The following SLC18A1 variants were observed in gnomAD, a reference collection of about 807,000 sequenced individuals.
SLC18A1 encodes the protein chromaffin granule amine transporter.
SLC18A1 carries 69 observed loss-of-function variants against 53.7 expected under a neutral mutation model. That is an observed-to-expected ratio of 1.28 (90% CI 1.06 to 1.57). SLC18A1 has a LOEUF of 1.57. SLC18A1 is among the 40% of genes most tolerant of loss of function. SLC18A1 has a pLI of 0.00. For synonymous variants in SLC18A1, 320 were observed against 248.1 expected, an observed-to-expected ratio of 1.29 and a Z score of -2.72; for missense variants, 932 against 668.1, an observed-to-expected ratio of 1.40 and a Z score of -4.35.
At chr8:20,175,647 A>G (rs1246418489) in intron 4 of SLC18A1, 1 of 152,216 alleles carries the variant, frequency 6.6e-6, no homozygotes, top group Non-Finnish European at 1.5e-5. Context: ...TGGTCAGGGT[A>G]GTTAAGTCCA....
chr8:20,174,150 C>T (rs2072197144), intron 5 of SLC18A1, among the ~76,000 whole-genome samples: 1 of 152,100 alleles, frequency 6.6e-6, no homozygotes, highest in South Asian at 2.1e-4. Flanking sequence ...TAGAATCAAG[C>T]TATCCTCCTG....
chr8:20,178,382 A>G, intron 4 of SLC18A1, 53 bp downstream of exon 4: 1 of 1,447,620 alleles, frequency 6.9e-7, no homozygotes, highest in Non-Finnish European at 9.6e-7. Context: ...CATTCACTTG[A>G]TAAAATCAAA....
intron 8 of SLC18A1, among the ~76,000 whole-genome samples, chr8:20,167,018 G>C (rs564707385): frequency 6.6e-6 from 1 of 151,874 alleles, no homozygotes; most frequent in African/African-American, 2.4e-5. Context: ...CTCCAGAGTC[G>C]TGAGAAAATA....
chr8:20,149,841 GA>G (rs1415507430), intron 11 of SLC18A1, 114 bp from the exon 12 acceptor site: 1 of 887,874 alleles, frequency 1.1e-6, no homozygotes, highest in Non-Finnish European at 1.8e-6. Flanking sequence ...AACCCCTTAG[GA>G]CCTGAGGACA....
chr8:20,167,689 T>C (rs1045477833), intron 8 of SLC18A1, among the ~76,000 whole-genome samples: 3 of 152,044 alleles, frequency 2.0e-5, no homozygotes, highest in African/African-American at 7.2e-5. Context: ...GGCATGATCT[T>C]GGCTCACTGC....
intron 3 of SLC18A1, among the ~76,000 whole-genome samples, 153 bp from the exon 4 acceptor site, chr8:20,178,646 T>C (rs910064126): frequency 2.6e-5 from 4 of 152,224 alleles, no homozygotes; most frequent in African/African-American, 9.6e-5. Context: ...AAATAGGGCA[T>C]GTGGATGAGT....
chr8:20,182,435 T>C (rs1224128697), intron 1 of SLC18A1, among the ~76,000 whole-genome samples: 1 of 152,228 alleles, frequency 6.6e-6, no homozygotes, highest in Non-Finnish European at 1.5e-5. Flanking sequence ...CAACTTTATC[T>C]CAATTGTCTA....
chr8:20,165,533 G>A (rs945004345), intron 8 of SLC18A1, among the ~76,000 whole-genome samples: 2 of 152,126 alleles, frequency 1.3e-5, no homozygotes, highest in Non-Finnish European at 2.9e-5. Flanking sequence ...AAGCACAGAA[G>A]CCATAACTCA....
At position 20,178,507 on chromosome 8, in the gene SLC18A1, G is replaced by GAAAAA; in HGVS notation, c.489-19_489-15dup. 2 of 1,415,358 alleles carry GAAAAA rather than the reference G, an allele frequency of 1.4e-6. No individual in the cohort carries two copies. The highest frequency in any genetic ancestry group is 1.9e-6 in the Non-Finnish European group (2 of 1,049,032). The allele number at this position is 1,415,358 out of a possible 1,614,324, so 87.7% of individuals were successfully genotyped here. A position where few individuals can be genotyped will look rare whatever the true frequency, so the allele number is the denominator to read the frequency against. On this transcript the variant is annotated splice_polypyrimidine_tract_variant and intron_variant, in intron 3 of 15. Coordinates refer to ENST00000276373, the MANE Select transcript of SLC18A1 (RefSeq NM_003053.4). Reference sequence around the variant, plus strand: ...TGATATCCAATCCTAAAAGGGAATTGAAAAAAAAAAAGATACAATTCCAAC... The same window carrying GAAAAA: ...TGATATCCAATCCTAAAAGGGAATTGAAAAAAAAAAAAAAAAGATACAATTCCAAC...
intron 15 of SLC18A1, 38 bp from the exon 16 acceptor site, chr8:20,145,914 A>C: frequency 1.6e-6 from 2 of 1,215,030 alleles, no homozygotes; most frequent in Non-Finnish European, 1.2e-6. Context: ...ACTGCACATT[A>C]TTATCATTTT....
rs1202080170 is a variant in SLC18A1 at position 20,145,860 on chromosome 8, T to G, written c.1481A>C (p.Asp494Ala). Reference sequence around the variant, plus strand: ...ATACATCCGGGTCTCCATGGGGCAGTCCTGACTCAGAATAGCCTGCAGAGA... The same window carrying G: ...ATACATCCGGGTCTCCATGGGGCAGGCCTGACTCAGAATAGCCTGCAGAGA... ...KEEKLAILSQ[D>A]CPMETRMYAT... is the part of the protein sequence containing the mutation. The change falls in exon 16 of 16, where the codon GAC (aspartate) becomes GCC (alanine). Residue 494 changes from aspartate (D) to alanine (A), a missense_variant. Transcript: ENST00000276373. 5 of 1,607,206 alleles carry G rather than the reference T, an allele frequency of 3.1e-6. No homozygotes were observed. Among genetic ancestry groups the G allele is most frequent in the Non-Finnish European group, 4.2e-6 (5 of 1,176,672 alleles).
chr8:20,150,638 G>T (rs2071527636), intron 11 of SLC18A1, 28 bp downstream of exon 11: 1 of 1,594,204 alleles, frequency 6.3e-7, no homozygotes, highest in East Asian at 2.2e-5. Context: ...CATTTCTACT[G>T]TTCGTCCCAG....
intron 10 of SLC18A1, among the ~76,000 whole-genome samples, chr8:20,152,506 C>T (rs190415591): frequency 1.8e-3 from 267 of 151,960 alleles, no homozygotes; most frequent in Non-Finnish European, 2.9e-3. Flanking sequence ...AAAGACATAG[C>T]GGGAGTGAGG....
chr8:20,146,363 C>T (rs1486013265), intron 15 of SLC18A1, among the ~76,000 whole-genome samples: 2 of 152,134 alleles, frequency 1.3e-5, no homozygotes, highest in Non-Finnish European at 2.9e-5. Context: ...GTATATCAAC[C>T]CTTGTCAGGA....
At position 20,165,085 on chromosome 8, in the gene SLC18A1, A is replaced by G. The variant is rs538760516; in HGVS notation, c.881T>C (p.Phe294Ser). Residue 294 changes from phenylalanine to serine, a missense_variant, in exon 9 of 16, where the codon TTT (phenylalanine) becomes TCT (serine). Transcript: ENST00000276373. ...GATGTAAGGGTCTTTGAGAAGCATAAAGAGGGGAGTCCCCTTGGCACTCTG... is the reference window on the plus strand; with the variant it reads ...GATGTAAGGGTCTTTGAGAAGCATAGAGAGGGGAGTCCCCTTGGCACTCTG... ...SPESAKGTPL[F>S]MLLKDPYILV... 1.7e-5 allele frequency: 28 copies of G among 1,614,202 alleles called. No individual in the cohort carries two copies. In the South Asian group the frequency reaches 2.5e-4, roughly 15 times the overall value.
rs779502955 is a variant in SLC18A1, at chr8:20,147,308, C to A, written c.1414G>T (p.Ala472Ser). The change falls in exon 15 of 16, where the codon GCT becomes TCT. Residue 472 changes from alanine to serine, a missense_variant. Transcript: ENST00000276373. ...VITGVINIVY[A>S]PLCYYLRSPP... is the part of the protein sequence containing the mutation. ...CTCCGCAGGTAGTAGCAGAGTGGAG[C>A]ATAGACGATGTTGATGACCCCAGTG... The A allele has an allele frequency of 1.9e-6, 3 of 1,613,524 alleles. No individual in the cohort carries two copies. Among genetic ancestry groups the A allele is most frequent in the African/African-American group, 1.3e-5 (1 of 74,878 alleles).
At chr8:20,172,615 T>C (rs2072151538) in intron 6 of SLC18A1, among the ~76,000 whole-genome samples, 1 of 152,228 alleles carries the variant, frequency 6.6e-6, no homozygotes, top group Non-Finnish European at 1.5e-5. Context: ...AGCTGTGTGA[T>C]GTTGGATGGT....
chr8:20,146,894 GC>G (rs2071416371), intron 15 of SLC18A1, among the ~76,000 whole-genome samples: 1 of 151,638 alleles, frequency 6.6e-6, no homozygotes, highest in African/African-American at 2.4e-5. Flanking sequence ...GAACGGATGT[GC>G]CAATGGAATT....
intron 8 of SLC18A1, among the ~76,000 whole-genome samples, chr8:20,170,433 C>T (rs1044212758): frequency 7.2e-5 from 11 of 152,076 alleles, no homozygotes; most frequent in African/African-American, 2.4e-4. Context: ...TCATGACTTC[C>T]GGAATACCTT....
Sources: gnomAD v4.1 joint callset for allele counts (sites outside exome capture counted in the v4.1 genomes callset) on GRCh38, gnomAD v4.1.1 for gene constraint, MANE v1.5 for transcripts, NCBI Gene and HGNC (gene_info 2026-07-23, HGNC 2026-07-21) for gene names.